SLC38A12: variants seen among roughly 807,000 people sequenced by gnomAD.
SLC38A12 encodes putative sodium-coupled neutral amino acid transporter 12.
chr17:74,836,300 C>A, the SLC38A12 span: 1 of 1,612,814 alleles, frequency 6.2e-7, no homozygotes, highest in Non-Finnish European at 8.5e-7. This position sits in a 1 kb window ranked among gnomAD's most constrained non-coding sequence, Gnocchi z 4.2. Context: ...TCAGCACCAA[C>A]TTCCCCATCA....
chr17:74,838,748 TGGGGCCA>T, the SLC38A12 span: 17 of 1,458,808 alleles, frequency 1.2e-5, no homozygotes, highest in Non-Finnish European at 1.5e-5. Flanking sequence ...CAATGGGGCT[TGGGGCCA>T]GGGGCAGAGA....
chr17:74,838,735 G>A, the SLC38A12 span: 24 of 1,446,670 alleles, frequency 1.7e-5, no homozygotes, highest in Admixed American at 1.0e-4. Flanking sequence ...TGCCGCTGAC[G>A]GCCAATGGGG....
At chr17:74,814,119 A>T in the SLC38A12 span, among the ~76,000 whole-genome samples, 1 of 152,196 alleles carries the variant, frequency 6.6e-6, no homozygotes, top group African/African-American at 2.4e-5. Context: ...TTAGGTGAAG[A>T]TGTCTTCTAA....
the SLC38A12 span, among the ~76,000 whole-genome samples, chr17:74,819,040 T>G: frequency 1.1e-3 from 163 of 152,356 alleles, no homozygotes; most frequent in African/African-American, 3.8e-3. Context: ...AGAGGACCCA[T>G]GCTGACCAGC....
chr17:74,819,324 C>A, the SLC38A12 span, among the ~76,000 whole-genome samples: 1 of 152,264 alleles, frequency 6.6e-6, no homozygotes, highest in East Asian at 1.9e-4. Flanking sequence ...CCTTTCTTCG[C>A]AGTAAACTAA....
chr17:74,788,793 G>A, the SLC38A12 span: 1,008,861 of 1,612,024 alleles, frequency 0.63, 319,157 homozygotes, highest in Non-Finnish European at 0.65. Context: ...CCTCAGCTTC[G>A]TGACCACCAC....
At chr17:74,824,717 G>T in the SLC38A12 span, among the ~76,000 whole-genome samples, 33 of 152,306 alleles carry the variant, frequency 2.2e-4, no homozygotes, top group Non-Finnish European at 4.6e-4. Context: ...CGCTGCACAC[G>T]CTCTTTTTGC....
At chr17:74,812,691 C>G in the SLC38A12 span, among the ~76,000 whole-genome samples, 1 of 152,182 alleles carries the variant, frequency 6.6e-6, no homozygotes, top group African/African-American at 2.4e-5. Flanking sequence ...CCTCCTCACT[C>G]CAAGCCCGAG....
the SLC38A12 span, among the ~76,000 whole-genome samples, chr17:74,790,790 A>T: frequency 6.6e-6 from 1 of 151,832 alleles, no homozygotes; most frequent in Admixed American, 6.6e-5. Context: ...AAAAAAAAAA[A>T]AAGACTGTGT....
At chr17:74,833,370 G>A in the SLC38A12 span, among the ~76,000 whole-genome samples, 1 of 152,182 alleles carries the variant, frequency 6.6e-6, no homozygotes, top group Non-Finnish European at 1.5e-5. Context: ...CATTGTTGGT[G>A]TCAAAGGTGC....
the SLC38A12 span, among the ~76,000 whole-genome samples, chr17:74,798,443 A>G: frequency 6.6e-6 from 1 of 152,220 alleles, no homozygotes; most frequent in Admixed American, 6.5e-5. Context: ...AAAGCCCTTG[A>G]CCTTCACCAG....
chr17:74,778,639 C>CTTTTTT, the SLC38A12 span, among the ~76,000 whole-genome samples: 4 of 75,786 alleles, frequency 5.3e-5, no homozygotes, highest in African/African-American at 2.2e-4. Context: ...CAGGGGAAGT[C>CTTTTTT]TTTTTTTTTT....
chr17:74,832,044 C>T, the SLC38A12 span, among the ~76,000 whole-genome samples: 1 of 151,790 alleles, frequency 6.6e-6, no homozygotes, highest in African/African-American at 2.4e-5. Flanking sequence ...TTGCTCCTCC[C>T]GCAGCCAGGG....
the SLC38A12 span, among the ~76,000 whole-genome samples, chr17:74,801,041 G>A: frequency 6.6e-6 from 1 of 152,204 alleles, no homozygotes; most frequent in South Asian, 2.1e-4. Flanking sequence ...GAGTCAGGAG[G>A]AGACTCCAGG....
the SLC38A12 span, among the ~76,000 whole-genome samples, chr17:74,833,639 G>A: frequency 6.6e-6 from 1 of 152,334 alleles, no homozygotes; most frequent in Non-Finnish European, 1.5e-5. Context: ...GGATGCTCAC[G>A]TCCAGACAGC....
At chr17:74,801,319 G>A in the SLC38A12 span, among the ~76,000 whole-genome samples, 5 of 152,250 alleles carry the variant, frequency 3.3e-5, no homozygotes, top group Non-Finnish European at 7.3e-5. Context: ...TGGCACCGCA[G>A]GTGCACTGCG....
At chr17:74,820,426 G>A in the SLC38A12 span, among the ~76,000 whole-genome samples, 2 of 152,212 alleles carry the variant, frequency 1.3e-5, no homozygotes, top group Non-Finnish European at 2.9e-5. Context: ...TGCGGTCTGG[G>A]CGTCTGTTCC....
chr17:74,837,456 CA>C, the SLC38A12 span: 1 of 985,456 alleles, frequency 1.0e-6, no homozygotes, highest in African/African-American at 1.7e-5. Context: ...CTCGCTGCCC[CA>C]CTGGAGCCCT....
the SLC38A12 span, chr17:74,836,201 G>A: frequency 6.2e-7 from 1 of 1,612,274 alleles, no homozygotes; most frequent in South Asian, 1.1e-5. This position sits in a 1 kb window ranked among gnomAD's most constrained non-coding sequence, Gnocchi z 4.2. Flanking sequence ...ACAGCCTCAT[G>A]GACATGTACA....
Sources: gnomAD v4.1 joint callset for allele counts (sites outside exome capture counted in the v4.1 genomes callset) on GRCh38, gnomAD v4.1.1 for gene constraint, Gnocchi (gnomAD v3.1) non-coding constraint, MANE v1.5 for transcripts, NCBI Gene and HGNC (gene_info 2026-07-23, HGNC 2026-07-21) for gene names.